The following BMPR2 variants were observed in gnomAD, a reference collection of about 807,000 sequenced individuals.
BMPR2 encodes the protein bone morphogenetic protein receptor type-2.
A neutral mutation model predicts 100.8 loss-of-function variants in BMPR2; 29 were observed. That is an observed-to-expected ratio of 0.29 (90% CI 0.21 to 0.39). The LOEUF is 0.39. Ranked by LOEUF, BMPR2 falls within the 10% of genes least tolerant of loss-of-function variation. BMPR2 has a pLI of 1.00. For synonymous variants in BMPR2, 382 were observed against 442.3 expected (o/e 0.86, Z 1.71); for missense variants, 1,011 against 1,274.5 (o/e 0.79, Z 3.15).
At chr2:202,427,192 A>G (rs7561618) in intron 1 of BMPR2, among the ~76,000 whole-genome samples, 16,624 of 151,980 alleles carry the variant, frequency 0.11, 1,062 homozygotes, top group Non-Finnish European at 0.14. Flanking sequence ...CTCTACAGAA[A>G]ATACAAAAAT....
At chr2:202,485,545 C>CTTTTTCTTTTTTTTTTTTTT (rs1692756931) in intron 3 of BMPR2, among the ~76,000 whole-genome samples, 1 of 64,010 alleles carries the variant, frequency 1.6e-5, no homozygotes, top group African/African-American at 5.7e-5. Context: ...TTGCCTTTAT[C>CTTTTTCTTTTTTTTTTTTTT]TTTTTTTTTT....
intron 3 of BMPR2, among the ~76,000 whole-genome samples, chr2:202,471,639 A>T (rs924546406): frequency 3.9e-5 from 6 of 152,192 alleles, no homozygotes; most frequent in African/African-American, 1.4e-4. Flanking sequence ...ATTTTTCAAA[A>T]ATGCGAATGT....
At chr2:202,440,735 G>A (rs1368547223) in intron 1 of BMPR2, among the ~76,000 whole-genome samples, 1 of 150,394 alleles carries the variant, frequency 6.6e-6, no homozygotes. Context: ...GCAGTGAGCC[G>A]AGATGGTGGC....
At chr2:202,488,881 A>T (rs1692838362) in intron 3 of BMPR2, among the ~76,000 whole-genome samples, 1 of 151,956 alleles carries the variant, frequency 6.6e-6, no homozygotes, top group African/African-American at 2.4e-5. Flanking sequence ...CCATTAAACA[A>T]CTCACCAATC....
At chr2:202,520,368 A>T in intron 7 of BMPR2, 167 bp downstream of exon 7, 1 of 657,068 alleles carries the variant, frequency 1.5e-6, no homozygotes. Flanking sequence ...TGTAACAGAA[A>T]GAGCTTTCCC....
chr2:202,403,070 C>G (rs1001935186), intron 1 of BMPR2, among the ~76,000 whole-genome samples: 1 of 151,922 alleles, frequency 6.6e-6, no homozygotes, highest in Non-Finnish European at 1.5e-5. Flanking sequence ...TCAGGTAATC[C>G]ACCCTCCTCG....
intron 3 of BMPR2, among the ~76,000 whole-genome samples, chr2:202,498,660 C>T (rs1039261865): frequency 6.6e-6 from 1 of 152,156 alleles, no homozygotes; most frequent in African/African-American, 2.4e-5. Flanking sequence ...TCAACAGGCT[C>T]ACCCTTGAAA....
At chr2:202,447,108 C>G (rs952271158) in intron 1 of BMPR2, among the ~76,000 whole-genome samples, 1 of 148,816 alleles carries the variant, frequency 6.7e-6, no homozygotes, top group East Asian at 2.0e-4. Flanking sequence ...GAGTTTGAGA[C>G]CAGCCTGGCC....
At chr2:202,517,327 T>C (rs1180524053) in intron 5 of BMPR2, among the ~76,000 whole-genome samples, 3 of 150,354 alleles carry the variant, frequency 2.0e-5, no homozygotes, top group African/African-American at 7.3e-5. Flanking sequence ...TCAGTTCAGT[T>C]ATTTTATCTT....
chr2:202,556,612 T>G (rs1005738913), intron 12 of BMPR2, 81 bp downstream of exon 12: 4 of 1,460,134 alleles, frequency 2.7e-6, no homozygotes, highest in Non-Finnish European at 9.4e-7. Flanking sequence ...CTAATAGATA[T>G]ATTTCAACTA....
intron 1 of BMPR2, among the ~76,000 whole-genome samples, chr2:202,442,489 G>A (rs1691768914): frequency 6.7e-6 from 1 of 150,060 alleles, no homozygotes; most frequent in Non-Finnish European, 1.5e-5. Flanking sequence ...CAATTTTCAA[G>A]TATATAGTAC....
At chr2:202,382,630 C>T (rs1416881868) in intron 1 of BMPR2, among the ~76,000 whole-genome samples, 3 of 152,170 alleles carry the variant, frequency 2.0e-5, no homozygotes, top group Non-Finnish European at 4.4e-5. Context: ...GGAATTTCAA[C>T]CAGGAATATT....
At chr2:202,448,509 T>G (rs915061415) in intron 1 of BMPR2, among the ~76,000 whole-genome samples, 7 of 146,176 alleles carry the variant, frequency 4.8e-5, no homozygotes. Context: ...CAGGCTGGAG[T>G]GCAATGACTT....
chr2:202,543,896 G>A (rs1364712686), intron 10 of BMPR2, among the ~76,000 whole-genome samples: 2 of 152,080 alleles, frequency 1.3e-5, no homozygotes, highest in Non-Finnish European at 2.9e-5. Flanking sequence ...CTGCGCTTTG[G>A]GGAGAATGTT....
At chr2:202,421,922 T>A (rs1001370912) in intron 1 of BMPR2, among the ~76,000 whole-genome samples, 4 of 152,190 alleles carry the variant, frequency 2.6e-5, no homozygotes, top group African/African-American at 9.6e-5. Context: ...TTGTGGTGGT[T>A]GTTTTGAGAT....
rs896664844 is a variant in BMPR2, at chr2:202,520,478, G to A, written c.967+277G>A. The A allele has an allele frequency of 5.9e-5, 28 of 477,508 alleles. No homozygotes were observed. The Admixed American group carries it at 9.3e-4, about 16-fold the overall frequency. 29.6% of individuals were successfully genotyped at this position (477,508 alleles called of 1,614,324 possible). On this transcript the variant is annotated intron_variant, in intron 7 of 12. Coordinates refer to ENST00000374580, the MANE Select transcript of BMPR2 (RefSeq NM_001204.7). ...CTATCATGACCCAGCAGAGAAAGTA[G>A]TGGTCATGTCCTGTGAGGACATCAA... is the stretch of plus-strand genomic sequence containing the variant.
At chr2:202,500,207 G>A (rs1175308470) in intron 3 of BMPR2, among the ~76,000 whole-genome samples, 2 of 152,202 alleles carry the variant, frequency 1.3e-5, no homozygotes, top group African/African-American at 4.8e-5. Context: ...AGCCTTCTCA[G>A]TGTTACTCTC....
intron 1 of BMPR2, among the ~76,000 whole-genome samples, chr2:202,420,172 A>G (rs997760935): frequency 2.6e-5 from 4 of 152,096 alleles, no homozygotes; most frequent in African/African-American, 9.7e-5. Flanking sequence ...TAATTAGGGA[A>G]ATTAGGATGT....
At chr2:202,513,648 G>A (rs1687661311) in intron 3 of BMPR2, 71 bp from the exon 4 acceptor site, 2 of 1,119,948 alleles carry the variant, frequency 1.8e-6, no homozygotes, top group East Asian at 2.4e-5. Context: ...CTTTCTAAAG[G>A]GCAGTCTGTC....
Sources: allele counts gnomAD v4.1 joint callset (sites outside exome capture counted in the v4.1 genomes callset), GRCh38; gene constraint gnomAD v4.1.1; transcripts MANE v1.5; gene names NCBI Gene and HGNC (gene_info 2026-07-23, HGNC 2026-07-21).